Variants in RANBP3L observed in about 807,000 individuals in gnomAD.
The protein encoded by RANBP3L is ran-binding protein 3-like.
RANBP3L carries 56 observed loss-of-function variants against 67.2 expected under a neutral mutation model. The ratio of observed to expected loss-of-function variants is 0.83; its 90% CI spans 0.67 to 1.04. RANBP3L has a LOEUF of 1.04. RANBP3L is among the 50% of genes least tolerant of loss of function. RANBP3L has a pLI of 0.00. For synonymous variants in RANBP3L, 164 were observed against 181.4 expected (o/e 0.90, Z 0.77); for missense variants, 496 against 535.5 (o/e 0.93, Z 0.73).
chr5:36,249,573 T>G lies in RANBP3L; in HGVS notation c.*81A>C. On this transcript the variant is annotated 3_prime_UTR_variant, in exon 14 of 14. Coordinates refer to ENST00000296604, the MANE Select transcript of RANBP3L (RefSeq NM_145000.5). ...AACTCTTCAAGGAATGAATAGAATC[T>G]TCTCATTAGTTAGGGTGGTTTAGTA... is the stretch of plus-strand genomic sequence containing the variant. The G allele has an allele frequency of 1.7e-6, 1 of 602,270 alleles. No individual in the cohort carries two copies. The highest frequency in any genetic ancestry group is 2.9e-6 in the Non-Finnish European group (1 of 346,614). The allele number at this position is 602,270 out of a possible 1,614,324, so 37.3% of individuals were successfully genotyped here.
At chr5:36,260,966 T>A in intron 7 of RANBP3L, 102 bp from the exon 8 acceptor site, 1 of 613,104 alleles carries the variant, frequency 1.6e-6, no homozygotes, top group Non-Finnish European at 2.9e-6. Flanking sequence ...TAAATCAAAT[T>A]TACTGCTCAC....
chr5:36,300,182 G>A (rs1224743557), intron 1 of RANBP3L, among the ~76,000 whole-genome samples: 1 of 152,202 alleles, frequency 6.6e-6, no homozygotes, highest in African/African-American at 2.4e-5. Context: ...ATTTTACAGT[G>A]CTATGCCTTA....
At chr5:36,290,678 A>G (rs1392559725) in intron 1 of RANBP3L, among the ~76,000 whole-genome samples, 1 of 149,708 alleles carries the variant, frequency 6.7e-6, no homozygotes, top group Non-Finnish European at 1.5e-5. Flanking sequence ...TGTGTGTGTT[A>G]AGTCCAACTT....
chr5:36,264,379 A>G (rs539325119), intron 6 of RANBP3L, among the ~76,000 whole-genome samples: 1 of 152,134 alleles, frequency 6.6e-6, no homozygotes, highest in Non-Finnish European at 1.5e-5. Flanking sequence ...CCCCAAACCC[A>G]TATCTGCACG....
At chr5:36,263,503 T>TTAGTCAACA (rs3086416) in intron 6 of RANBP3L, among the ~76,000 whole-genome samples, 13,765 of 152,134 alleles carry the variant, frequency 0.09, 1,771 homozygotes, top group African/African-American at 0.27. Context: ...TTTTTAGAAA[T>TTAGTCAACA]TAGTCAACAT....
rs909394688 is a variant in RANBP3L at position 36,294,986 on chromosome 5, A to T, written c.91+6340T>A. Among the ~76,000 whole-genome samples, 18 of 150,490 alleles carry T rather than the reference A, an allele frequency of 1.2e-4. No homozygotes were observed. In the East Asian group the frequency reaches 3.5e-3, roughly 29 times the overall value. ...TGTATGTATACATATATATACACAC[A>T]CATATATATACACACCATATTTTGT... On this transcript the variant is annotated intron_variant, in intron 1 of 13. Coordinates refer to ENST00000296604, the MANE Select transcript of RANBP3L (RefSeq NM_145000.5).
At chr5:36,291,386 G>C (rs11745495) in intron 1 of RANBP3L, among the ~76,000 whole-genome samples, 26,544 of 149,094 alleles carry the variant, frequency 0.18, 2,526 homozygotes, top group South Asian at 0.32. Flanking sequence ...AGTTTTAGCT[G>C]TATCTTATTT....
At chr5:36,290,224 CT>C (rs33974139) in intron 1 of RANBP3L, among the ~76,000 whole-genome samples, 49 of 144,008 alleles carry the variant, frequency 3.4e-4, no homozygotes, top group African/African-American at 1.2e-3. Flanking sequence ...TCTGTCTCAC[CT>C]TTTTTTTTTT....
chr5:36,286,882 G>A (rs1324517468), intron 1 of RANBP3L, among the ~76,000 whole-genome samples: 1 of 152,034 alleles, frequency 6.6e-6, no homozygotes, highest in Non-Finnish European at 1.5e-5. Flanking sequence ...TTCTTAATGA[G>A]GTCTTCCCTG....
At chr5:36,253,499 T>G (rs1247357462) in intron 12 of RANBP3L, 148 bp downstream of exon 12, 3 of 602,054 alleles carry the variant, frequency 5.0e-6, no homozygotes, top group East Asian at 5.6e-5. Flanking sequence ...ACATAAAATT[T>G]ATGTCTTATG....
intron 1 of RANBP3L, among the ~76,000 whole-genome samples, chr5:36,299,695 G>T (rs1037370688): frequency 6.6e-6 from 1 of 152,050 alleles, no homozygotes; most frequent in Non-Finnish European, 1.5e-5. Flanking sequence ...AATTATAATA[G>T]TTAAAATATT....
chr5:36,301,098 C>T (rs1335735991), intron 1 of RANBP3L, among the ~76,000 whole-genome samples: 1 of 152,118 alleles, frequency 6.6e-6, no homozygotes, highest in East Asian at 1.9e-4. Flanking sequence ...AACACAGTGG[C>T]TAGAAGTTTA....
Position 36,249,639 on chromosome 5 carries a change from T to A in RANBP3L, c.*15A>T. 1.0e-5 allele frequency: 15 copies of A among 1,462,750 alleles called. No individual in the cohort carries two copies. Among genetic ancestry groups the A allele is most frequent in the Non-Finnish European group, 1.4e-5 (15 of 1,066,402 alleles). 90.6% of individuals were successfully genotyped at this position (1,462,750 alleles called of 1,614,324 possible). ...CCCCTCTTTTTGTAGATGTCATGTTTATAGTAGGTAGTATTCATGAACAGG... is the reference window on the plus strand; with the variant it reads ...CCCCTCTTTTTGTAGATGTCATGTTAATAGTAGGTAGTATTCATGAACAGG... On this transcript the variant is annotated 3_prime_UTR_variant, in exon 14 of 14. Coordinates refer to ENST00000296604, the MANE Select transcript of RANBP3L (RefSeq NM_145000.5).
chr5:36,288,125 AT>A (rs1182216031), intron 1 of RANBP3L, among the ~76,000 whole-genome samples: 1 of 152,164 alleles, frequency 6.6e-6, no homozygotes, highest in Non-Finnish European at 1.5e-5. Flanking sequence ...GATATAAAAC[AT>A]TTTTATTGCC....
chr5:36,291,357 TTTA>T (rs1383668358), intron 1 of RANBP3L, among the ~76,000 whole-genome samples: 57 of 150,608 alleles, frequency 3.8e-4, no homozygotes, highest in African/African-American at 1.3e-3. Flanking sequence ...TTTTTATTTT[TTTA>T]TTTTTATTTT....
intron 12 of RANBP3L, among the ~76,000 whole-genome samples, chr5:36,253,430 A>G (rs937277431): frequency 6.6e-6 from 1 of 152,058 alleles, no homozygotes; most frequent in Non-Finnish European, 1.5e-5. Flanking sequence ...GTATCACACA[A>G]ATGTCTTGGA....
At chr5:36,258,098 A>G (rs1749123408) in intron 8 of RANBP3L, among the ~76,000 whole-genome samples, 1 of 152,210 alleles carries the variant, frequency 6.6e-6, no homozygotes, top group East Asian at 1.9e-4. Flanking sequence ...AAAGTTATCC[A>G]GAGACCCCCA....
chr5:36,299,335 ATGTGTGTGTGTGTG>A (rs368964724), intron 1 of RANBP3L, among the ~76,000 whole-genome samples: 2 of 145,262 alleles, frequency 1.4e-5, no homozygotes, highest in African/African-American at 2.6e-5. Context: ...ACATACATAT[ATGTGTGTGTGTGTG>A]TGTGTGTGTG....
intron 1 of RANBP3L, among the ~76,000 whole-genome samples, chr5:36,286,619 T>C (rs1751340484): frequency 6.6e-6 from 1 of 152,166 alleles, no homozygotes; most frequent in African/African-American, 2.4e-5. Context: ...GACCCAGCAA[T>C]TGTGTTTTAA....
Sources: gnomAD v4.1 joint callset for allele counts (sites outside exome capture counted in the v4.1 genomes callset) on GRCh38, gnomAD v4.1.1 for gene constraint, MANE v1.5 for transcripts, NCBI Gene and HGNC (gene_info 2026-07-23, HGNC 2026-07-21) for gene names.